Variants in GALNT13 observed in about 807,000 individuals in gnomAD.
The protein encoded by GALNT13 is UDP-GalNAc:polypeptide N-acetylgalactosaminyltransferase 13.
GALNT13 carries 28 observed loss-of-function variants against 64.2 expected under a neutral mutation model. That is an observed-to-expected ratio of 0.44 (90% CI 0.32 to 0.60). The LOEUF is 0.60. Ranked by LOEUF, GALNT13 falls within the 20% of genes least tolerant of loss-of-function variation. The probability of loss-of-function intolerance (pLI) is 0.05; values close to 1 mark genes in which losing one functional copy is unlikely to be tolerated. For missense variants in GALNT13, 577 were observed against 669.8 expected (o/e 0.86, Z 1.53); for synonymous variants, 214 against 224.6 (o/e 0.95, Z 0.42).
intron 3 of GALNT13, among the ~76,000 whole-genome samples, chr2:153,949,801 T>G (rs569689275): frequency 6.6e-6 from 1 of 152,020 alleles, no homozygotes; most frequent in Non-Finnish European, 1.5e-5. Context: ...GCGAACCACA[T>G]GTGTACATAT....
At chr2:153,814,195 C>G in the GALNT13 span, among the ~76,000 whole-genome samples, 1 of 152,180 alleles carries the variant, frequency 6.6e-6, no homozygotes, top group African/African-American at 2.4e-5. Context: ...AATCCCAGCA[C>G]TTTAGGAAGC....
At chr2:153,073,437 G>A in the GALNT13 span, among the ~76,000 whole-genome samples, 1 of 151,870 alleles carries the variant, frequency 6.6e-6, no homozygotes, top group Non-Finnish European at 1.5e-5. Context: ...TAAAAAATCG[G>A]TGAACAGTGT....
the GALNT13 span, among the ~76,000 whole-genome samples, chr2:153,374,095 A>C: frequency 6.6e-6 from 1 of 152,210 alleles, no homozygotes; most frequent in African/African-American, 2.4e-5. Flanking sequence ...TATTTGTTCA[A>C]GACTGTGCTG....
At chr2:153,103,843 A>G in the GALNT13 span, among the ~76,000 whole-genome samples, 2 of 152,198 alleles carry the variant, frequency 1.3e-5, no homozygotes, top group Admixed American at 1.3e-4. Context: ...TGGCTGAGAA[A>G]TCTGGTCTCT....
chr2:154,277,202 T>A (rs1013832149), intron 8 of GALNT13, among the ~76,000 whole-genome samples: 1 of 152,190 alleles, frequency 6.6e-6, no homozygotes, highest in Non-Finnish European at 1.5e-5. Flanking sequence ...TAATAAAGTA[T>A]TTATTAAAAA....
chr2:153,875,009 A>G (rs1474147088), intron 1 of GALNT13, among the ~76,000 whole-genome samples: 1 of 152,100 alleles, frequency 6.6e-6, no homozygotes. Flanking sequence ...CTCTCTTTTA[A>G]TATAAAGAAC....
chr2:153,892,557 A>C (rs982797475), intron 1 of GALNT13, among the ~76,000 whole-genome samples: 4 of 152,224 alleles, frequency 2.6e-5, no homozygotes, highest in African/African-American at 9.6e-5. Context: ...CTTAAAAAAC[A>C]AAAAGACAAA....
the GALNT13 span, among the ~76,000 whole-genome samples, chr2:153,566,362 T>TGTTTTTGTTTTTG: frequency 7.0e-6 from 1 of 143,082 alleles, no homozygotes; most frequent in African/African-American, 2.7e-5. Context: ...TTTTTTTTTT[T>TGTTTTTGTTTTTG]TTTTTTTTTT....
the GALNT13 span, among the ~76,000 whole-genome samples, chr2:153,076,651 A>G: frequency 1.3e-5 from 2 of 149,886 alleles, no homozygotes; most frequent in Admixed American, 1.4e-4. Context: ...TTTGTCTTAT[A>G]ACTCTAATGA....
At chr2:153,654,763 A>T in the GALNT13 span, among the ~76,000 whole-genome samples, 1 of 152,162 alleles carries the variant, frequency 6.6e-6, no homozygotes, top group Non-Finnish European at 1.5e-5. Context: ...GCATGTTTAT[A>T]AGCCATATGC....
At chr2:154,278,346 A>G (rs1253808723) in intron 8 of GALNT13, among the ~76,000 whole-genome samples, 2 of 152,182 alleles carry the variant, frequency 1.3e-5, no homozygotes, top group Non-Finnish European at 1.5e-5. Flanking sequence ...AGAAGACCTC[A>G]GGAACTGCAA....
chr2:154,145,668 A>G (rs1007098119), intron 4 of GALNT13, among the ~76,000 whole-genome samples: 6 of 152,036 alleles, frequency 3.9e-5, no homozygotes, highest in Non-Finnish European at 8.8e-5. Context: ...ATAAAGAGGA[A>G]AAGACTCTAG....
At chr2:154,063,347 A>G (rs1173001117) in intron 3 of GALNT13, among the ~76,000 whole-genome samples, 11 of 152,138 alleles carry the variant, frequency 7.2e-5, no homozygotes, top group Admixed American at 2.6e-4. Flanking sequence ...GATTTGGTCT[A>G]TGTTTCATTG....
chr2:153,203,660 A>G, the GALNT13 span, among the ~76,000 whole-genome samples: 1 of 152,206 alleles, frequency 6.6e-6, no homozygotes, highest in Non-Finnish European at 1.5e-5. Context: ...GTTGCATTGA[A>G]CAGTTGCCTA....
At chr2:153,436,513 A>G in the GALNT13 span, among the ~76,000 whole-genome samples, 3 of 151,988 alleles carry the variant, frequency 2.0e-5, no homozygotes, top group Non-Finnish European at 4.4e-5. Flanking sequence ...AGAGCTTGTT[A>G]TTTGTCTATT....
At chr2:153,977,414 C>T (rs922630179) in intron 3 of GALNT13, among the ~76,000 whole-genome samples, 4 of 152,218 alleles carry the variant, frequency 2.6e-5, no homozygotes, top group African/African-American at 9.6e-5. Flanking sequence ...GAAGCAAACA[C>T]ATCCTTCTTC....
At chr2:153,693,394 C>T in the GALNT13 span, among the ~76,000 whole-genome samples, 2 of 152,102 alleles carry the variant, frequency 1.3e-5, no homozygotes, top group African/African-American at 4.8e-5. Flanking sequence ...CCCTTCTTAT[C>T]AAATCATAAA....
the GALNT13 span, among the ~76,000 whole-genome samples, chr2:153,741,230 C>T: frequency 2.0e-5 from 3 of 151,878 alleles, no homozygotes; most frequent in African/African-American, 7.2e-5. Flanking sequence ...TTTATAAATA[C>T]TATCTGTATT....
At chr2:153,267,206 G>A in the GALNT13 span, among the ~76,000 whole-genome samples, 1 of 152,178 alleles carries the variant, frequency 6.6e-6, no homozygotes, top group Non-Finnish European at 1.5e-5. Context: ...GCTCTGTAAG[G>A]TACAGCCCCT....
Sources: allele counts gnomAD v4.1 joint callset (sites outside exome capture counted in the v4.1 genomes callset), GRCh38; gene constraint gnomAD v4.1.1; transcripts MANE v1.5; gene names NCBI Gene and HGNC (gene_info 2026-07-23, HGNC 2026-07-21).